The following L3MBTL4 variants were observed in gnomAD, a reference collection of about 807,000 sequenced individuals.
L3MBTL4 encodes lethal(3)malignant brain tumor-like protein 4.
L3MBTL4 carries 70 observed loss-of-function variants against 84.5 expected under a neutral mutation model. The observed-to-expected ratio is 0.83, with a 90% CI of 0.68 to 1.01. The LOEUF (loss-of-function observed/expected upper bound fraction) is 1.01. Among genes scored for constraint, L3MBTL4 ranks in the 50% least tolerant of loss-of-function variants. The probability of loss-of-function intolerance (pLI) is 0.00; values close to 1 mark genes in which losing one functional copy is unlikely to be tolerated. For missense variants in L3MBTL4, 715 were observed against 754.8 expected (o/e 0.95, Z 0.62); for synonymous variants, 274 against 259.8 (o/e 1.05, Z -0.52).
chr18:6,372,666 C>A (rs1251481115), intron 1 of L3MBTL4, among the ~76,000 whole-genome samples: 1 of 152,152 alleles, frequency 6.6e-6, no homozygotes, highest in Non-Finnish European at 1.5e-5. Flanking sequence ...GTAAGTGCCC[C>A]CTTTCACTCT....
chr18:6,178,770 A>T (rs2145311783), intron 12 of L3MBTL4, among the ~76,000 whole-genome samples: 1 of 152,314 alleles, frequency 6.6e-6, no homozygotes, highest in South Asian at 2.1e-4. Flanking sequence ...TCAGCATATT[A>T]AAAACAACAA....
At chr18:6,335,581 G>T (rs771937172) in intron 1 of L3MBTL4, among the ~76,000 whole-genome samples, 3 of 152,140 alleles carry the variant, frequency 2.0e-5, no homozygotes, top group Admixed American at 6.5e-5. Context: ...GATATGGTTT[G>T]GCTCTGTGTT....
intron 16 of L3MBTL4, among the ~76,000 whole-genome samples, chr18:6,072,011 A>G: frequency 6.6e-6 from 1 of 152,188 alleles, no homozygotes; most frequent in Non-Finnish European, 1.5e-5. Context: ...ACAAATACTA[A>G]TCAAAATAAT....
intron 5 of L3MBTL4, chr18:6,260,867 C>T (rs2048368505): frequency 1.3e-5 from 2 of 152,206 alleles, no homozygotes; most frequent in African/African-American, 4.8e-5. Context: ...TAGTCTGATG[C>T]TCCTTCTTGG....
intron 14 of L3MBTL4, among the ~76,000 whole-genome samples, chr18:6,120,262 C>T (rs1161474322): frequency 3.9e-5 from 6 of 152,164 alleles, no homozygotes; most frequent in Non-Finnish European, 5.9e-5. Flanking sequence ...CCCAGGGGCC[C>T]GGGGCCTGCT....
chr18:5,964,894 A>G (rs567763557), intron 17 of L3MBTL4, among the ~76,000 whole-genome samples: 1 of 152,206 alleles, frequency 6.6e-6, no homozygotes, highest in African/African-American at 2.4e-5. Flanking sequence ...TACTCACTCG[A>G]ACATTTGTCA....
chr18:6,071,987 A>AATAAATAT (rs2145995132), intron 16 of L3MBTL4, among the ~76,000 whole-genome samples: 1 of 152,286 alleles, frequency 6.6e-6, no homozygotes, highest in South Asian at 2.1e-4. Context: ...AAAGGACGGA[A>AATAAATAT]ATAAATATAA....
At chr18:5,979,781 G>A (rs1214698374) in intron 16 of L3MBTL4, among the ~76,000 whole-genome samples, 3 of 152,208 alleles carry the variant, frequency 2.0e-5, no homozygotes, top group Non-Finnish European at 4.4e-5. Flanking sequence ...AGCAAGGTAA[G>A]CCTCTGTGTT....
intron 4 of L3MBTL4, among the ~76,000 whole-genome samples, chr18:6,274,823 C>T (rs1440026568): frequency 6.6e-6 from 1 of 152,136 alleles, no homozygotes; most frequent in Admixed American, 6.5e-5. Flanking sequence ...CTCTCCCTTT[C>T]CCCATGCTGT....
chr18:6,261,958 C>T (rs952252019), intron 5 of L3MBTL4, among the ~76,000 whole-genome samples: 4 of 152,162 alleles, frequency 2.6e-5, no homozygotes, highest in African/African-American at 4.8e-5. Flanking sequence ...TGATTTAATT[C>T]TGGCGGCAGA....
chr18:6,349,076 C>T (rs539592485), intron 1 of L3MBTL4, among the ~76,000 whole-genome samples: 5 of 152,336 alleles, frequency 3.3e-5, no homozygotes, highest in African/African-American at 1.2e-4. Context: ...TTAAAACTCT[C>T]GTTAACTACT....
chr18:6,093,706 T>A (rs2058536320), intron 14 of L3MBTL4, among the ~76,000 whole-genome samples, 178 bp from the exon 15 acceptor site: 1 of 152,236 alleles, frequency 6.6e-6, no homozygotes, highest in South Asian at 2.1e-4. Context: ...AATCTCAGGT[T>A]CTAGAACCAC....
At chr18:6,178,098 G>GA (rs951485572) in intron 12 of L3MBTL4, among the ~76,000 whole-genome samples, 33 of 147,752 alleles carry the variant, frequency 2.2e-4, no homozygotes, top group East Asian at 1.4e-3. Context: ...CTGAAGAAGT[G>GA]AAAAAAAAAA....
intron 16 of L3MBTL4, among the ~76,000 whole-genome samples, chr18:6,054,599 T>G (rs2056950802): frequency 1.3e-5 from 2 of 152,154 alleles, no homozygotes; most frequent in South Asian, 4.1e-4. Flanking sequence ...CATGTCACTT[T>G]CCCAGAGACA....
chr18:6,237,637 G>T (rs1407535776), intron 10 of L3MBTL4, among the ~76,000 whole-genome samples: 1 of 151,514 alleles, frequency 6.6e-6, no homozygotes, highest in Non-Finnish European at 1.5e-5. Context: ...TGTATTTTTA[G>T]TAGAGATGGG....
At chr18:6,162,238 C>G (rs1023643750) in intron 13 of L3MBTL4, among the ~76,000 whole-genome samples, 1 of 152,104 alleles carries the variant, frequency 6.6e-6, no homozygotes, top group African/African-American at 2.4e-5. Context: ...GATTCCACCT[C>G]TATAAAATAT....
At position 6,319,453 on chromosome 18, in the gene L3MBTL4, C is replaced by T. The variant is rs6506376; in HGVS notation, c.-90-7397G>A. ...ATTAGAAATGAAAATGATGACATTA[C>T]GACCAAAACCATAGAAATATATAAA... On this transcript the variant is annotated intron_variant, in intron 1 of 18. Coordinates refer to ENST00000317931, the MANE Select transcript of L3MBTL4 (RefSeq NM_001330559.2). 5.2e-3 allele frequency among the ~76,000 whole-genome samples: 796 copies of T among 152,028 alleles called. 7 individuals are homozygous for T. The highest frequency in any genetic ancestry group is 0.01 in the Middle Eastern group (3 of 294).
At chr18:6,135,739 C>G (rs558361613) in intron 14 of L3MBTL4, among the ~76,000 whole-genome samples, 101 of 152,242 alleles carry the variant, frequency 6.6e-4, no homozygotes, top group Non-Finnish European at 1.4e-3. Context: ...CTCGACAAGT[C>G]TCTGGGAGGT....
At chr18:6,090,591 T>TACACAC (rs1313768462) in intron 15 of L3MBTL4, among the ~76,000 whole-genome samples, 1 of 128,342 alleles carries the variant, frequency 7.8e-6, no homozygotes, top group East Asian at 2.0e-4. Context: ...ATATTATATA[T>TACACAC]ATACACACAC....
Sources: allele counts gnomAD v4.1 joint callset (sites outside exome capture counted in the v4.1 genomes callset), GRCh38; gene constraint gnomAD v4.1.1; transcripts MANE v1.5; gene names NCBI Gene and HGNC (gene_info 2026-07-23, HGNC 2026-07-21).